LARP6: variants seen among roughly 807,000 people sequenced by gnomAD.
LARP6 encodes the protein la-related protein 6.
Under a neutral mutation model 32.8 loss-of-function variants are expected in LARP6, and 18 were observed. That is an observed-to-expected ratio of 0.55 (90% CI 0.38 to 0.81). The LOEUF (loss-of-function observed/expected upper bound fraction) is 0.81. Ranked by LOEUF, LARP6 falls within the 40% of genes least tolerant of loss-of-function variation. The pLI, the probability that LARP6 is intolerant of heterozygous loss-of-function variation, is 0.00. For missense variants in LARP6, 598 were observed against 663.1 expected, an observed-to-expected ratio of 0.90 and a Z score of 1.08; for synonymous variants, 289 against 267.2, an observed-to-expected ratio of 1.08 and a Z score of -0.80.
chr15:70,833,320 C>T (rs1241520795), intron 2 of LARP6, among the ~76,000 whole-genome samples: 1 of 152,158 alleles, frequency 6.6e-6, no homozygotes, highest in Non-Finnish European at 1.5e-5. Context: ...CCATTTCAAA[C>T]AAGGGCACCA....
At chr15:70,844,304 A>C (rs2032310789) in intron 1 of LARP6, among the ~76,000 whole-genome samples, 1 of 152,190 alleles carries the variant, frequency 6.6e-6, no homozygotes, top group Non-Finnish European at 1.5e-5. Flanking sequence ...CTTATTCCAT[A>C]AACATTAAAA....
intron 1 of LARP6, among the ~76,000 whole-genome samples, chr15:70,837,760 A>G (rs1457174369): frequency 6.6e-6 from 1 of 152,112 alleles, no homozygotes; most frequent in African/African-American, 2.4e-5. Context: ...GGAATTACAG[A>G]TGGGAGTGTA....
intron 1 of LARP6, among the ~76,000 whole-genome samples, chr15:70,847,232 CT>C (rs1321828980): frequency 6.6e-6 from 1 of 152,068 alleles, no homozygotes; most frequent in Admixed American, 6.5e-5. Flanking sequence ...TAAGGTTTTG[CT>C]TTGTTTTGTT....
chr15:70,841,257 TC>T (rs899108529), intron 1 of LARP6, among the ~76,000 whole-genome samples: 1 of 152,182 alleles, frequency 6.6e-6, no homozygotes, highest in African/African-American at 2.4e-5. Flanking sequence ...TTCCAGAGCT[TC>T]CCAATCTTCC....
intron 2 of LARP6, among the ~76,000 whole-genome samples, chr15:70,835,307 A>G (rs1039892637): frequency 6.6e-6 from 1 of 152,184 alleles, no homozygotes; most frequent in Admixed American, 6.5e-5. Flanking sequence ...CTTTTGTCCT[A>G]CTATATGTGG....
chr15:70,838,082 G>A (rs1239109826), intron 1 of LARP6, among the ~76,000 whole-genome samples: 2 of 152,044 alleles, frequency 1.3e-5, no homozygotes, highest in African/African-American at 4.8e-5. Context: ...AGAAAGCAAA[G>A]GTGTCGCTAT....
chr15:70,840,495 G>A (rs989041994), intron 1 of LARP6, among the ~76,000 whole-genome samples: 2 of 152,264 alleles, frequency 1.3e-5, no homozygotes, highest in East Asian at 1.9e-4. Flanking sequence ...AGCCGGGATC[G>A]CGCCACTGCA....
chr15:70,832,427 C>G lies in LARP6; in HGVS notation c.1101G>C (p.Gln367His). 1 of 1,585,162 alleles carries G rather than the reference C, an allele frequency of 6.3e-7. No homozygotes were observed. The highest frequency in any genetic ancestry group is 8.6e-7 in the Non-Finnish European group (1 of 1,166,344). The change falls in exon 3 of 3, where the codon CAG becomes CAC. Residue 367 changes from glutamine (Q) to histidine (H), a missense_variant. Transcript: ENST00000299213. ...AGGCATTTGGACTCAGAAAGAGATT[C>G]TGGTGGCCAGACGGGCTGAGCTTGT... ...ATNKLSPSGHQNLFLSPNASP... is the reference protein window; with the variant it reads ...ATNKLSPSGHHNLFLSPNASP...
At chr15:70,843,623 TA>T (rs1465655091) in intron 1 of LARP6, among the ~76,000 whole-genome samples, 3 of 151,610 alleles carry the variant, frequency 2.0e-5, no homozygotes, top group Non-Finnish European at 2.9e-5. Context: ...GTTCTTCTAT[TA>T]GCCTTTTATT....
intron 2 of LARP6, among the ~76,000 whole-genome samples, chr15:70,835,969 G>A (rs974296620): frequency 2.6e-5 from 4 of 152,132 alleles, no homozygotes; most frequent in African/African-American, 7.2e-5. Flanking sequence ...CAAGGCCTTC[G>A]AGTCCGTCTG....
chr15:70,852,212 G>A, intron 1 of LARP6: 1 of 446,312 alleles, frequency 2.2e-6, no homozygotes, highest in South Asian at 1.6e-5. Flanking sequence ...TGCCCACTGG[G>A]CTCTGTCAGC....
intron 1 of LARP6, among the ~76,000 whole-genome samples, chr15:70,850,805 C>G (rs1005234896): frequency 3.9e-5 from 6 of 152,094 alleles, no homozygotes; most frequent in African/African-American, 1.4e-4. Flanking sequence ...ATAAGAAGCA[C>G]ATGGTACAAA....
intron 1 of LARP6, among the ~76,000 whole-genome samples, 198 bp downstream of exon 1, chr15:70,853,691 G>A (rs545371462): frequency 6.6e-6 from 1 of 152,136 alleles, no homozygotes. Flanking sequence ...GTTGGGCGAC[G>A]AAGCTGCGGG....
In LARP6 at chr15:70,851,797, AG is replaced by A. The variant is rs1290358748; in HGVS notation, c.200+2091del. 39 of 1,595,566 alleles carry A rather than the reference AG, an allele frequency of 2.4e-5. 1 individual carries two copies. The East Asian group carries it at 2.7e-4, about 11-fold the overall frequency. ...AAAATGTACAGAGTACTACAGCAACAGAGAAGAAAGGAAACACAGCCAGCTC... is the reference window on the plus strand; with the variant it reads ...AAAATGTACAGAGTACTACAGCAACAAGAAGAAAGGAAACACAGCCAGCTC... On this transcript the variant is annotated intron_variant, in intron 1 of 2. Coordinates refer to ENST00000299213, the MANE Select transcript of LARP6 (RefSeq NM_018357.4).
intron 1 of LARP6, among the ~76,000 whole-genome samples, chr15:70,847,730 G>T (rs532858713): frequency 4.0e-5 from 6 of 151,842 alleles, no homozygotes; most frequent in Non-Finnish European, 7.4e-5. Context: ...ATAAAATATC[G>T]AATCTGGTTA....
chr15:70,845,267 A>G (rs2032325302), intron 1 of LARP6, among the ~76,000 whole-genome samples: 1 of 152,140 alleles, frequency 6.6e-6, no homozygotes, highest in East Asian at 1.9e-4. Flanking sequence ...CCAGGACACC[A>G]CAATACATTA....
At chr15:70,841,565 A>G (rs1417496656) in intron 1 of LARP6, among the ~76,000 whole-genome samples, 2 of 152,058 alleles carry the variant, frequency 1.3e-5, no homozygotes, top group Non-Finnish European at 1.5e-5. Context: ...GTGGGAGGTG[A>G]TTGAATCATG....
intron 1 of LARP6, among the ~76,000 whole-genome samples, chr15:70,846,026 G>A (rs1353156730): frequency 6.6e-6 from 1 of 152,180 alleles, no homozygotes; most frequent in Non-Finnish European, 1.5e-5. Flanking sequence ...AGACAGAAAG[G>A]CTAGGAAATT....
At chr15:70,851,505 G>A (rs2032449644) in intron 1 of LARP6, 1 of 1,453,138 alleles carries the variant, frequency 6.9e-7, no homozygotes, top group Admixed American at 2.3e-5. Flanking sequence ...GGCTAGGTAT[G>A]GAAATACAAA....
Sources: gnomAD v4.1 joint callset for allele counts (sites outside exome capture counted in the v4.1 genomes callset) on GRCh38, gnomAD v4.1.1 for gene constraint, MANE v1.5 for transcripts, NCBI Gene and HGNC (gene_info 2026-07-23, HGNC 2026-07-21) for gene names.